Variants in UGT2A2 observed in about 807,000 individuals in gnomAD.
The protein encoded by UGT2A2 is UDP glucuronosyltransferase family 2 member A2, also known as UDP-glucuronosyltransferase 2A2.
In UGT2A2, 60 loss-of-function variants were observed where a neutral mutation model predicts 50.7. The ratio of observed to expected loss-of-function variants is 1.18; its 90% CI spans 0.96 to 1.47. The LOEUF (loss-of-function observed/expected upper bound fraction) is 1.47. Among genes scored for constraint, UGT2A2 ranks in the 40% most tolerant of loss-of-function variants. The pLI, the probability that UGT2A2 is intolerant of heterozygous loss-of-function variation, is 0.00. For missense variants in UGT2A2, 762 were observed against 634.0 expected, an observed-to-expected ratio of 1.20 and a Z score of -2.17; for synonymous variants, 242 against 214.6, an observed-to-expected ratio of 1.13 and a Z score of -1.11.
chr4:69,593,704 C>T (rs185626954), intron 5 of UGT2A2, among the ~76,000 whole-genome samples: 51 of 151,520 alleles, frequency 3.4e-4, no homozygotes, highest in African/African-American at 1.2e-3. Context: ...AAAAAATTAT[C>T]CACTACCCTA....
chr4:69,598,064 G>A (rs1300616672), intron 2 of UGT2A2, among the ~76,000 whole-genome samples: 2 of 152,116 alleles, frequency 1.3e-5, no homozygotes, highest in Non-Finnish European at 2.9e-5. Flanking sequence ...ATTATCCAGT[G>A]ACCTATGGAT....
intron 1 of UGT2A2, among the ~76,000 whole-genome samples, chr4:69,622,225 A>G (rs1444981263): frequency 6.6e-6 from 1 of 151,808 alleles, no homozygotes; most frequent in Non-Finnish European, 1.5e-5. Flanking sequence ...TTGAAAGAAA[A>G]AAGTTATGAA....
intron 1 of UGT2A2, among the ~76,000 whole-genome samples, chr4:69,613,650 T>C (rs983773071): frequency 6.6e-6 from 1 of 152,016 alleles, no homozygotes; most frequent in African/African-American, 2.4e-5. Context: ...ATTTATCTCA[T>C]GGATGCAAAA....
chr4:69,625,163 T>A (rs919880062), intron 1 of UGT2A2, among the ~76,000 whole-genome samples: 2 of 128,740 alleles, frequency 1.6e-5, no homozygotes, highest in Non-Finnish European at 3.4e-5. Flanking sequence ...TCTGTTTTCA[T>A]TCTTTTTTTT....
intron 5 of UGT2A2, among the ~76,000 whole-genome samples, chr4:69,593,917 A>G (rs1560466018): frequency 6.6e-6 from 1 of 151,442 alleles, no homozygotes; most frequent in Non-Finnish European, 1.5e-5. Flanking sequence ...GAGAATTTAT[A>G]TAATCATAGC....
At chr4:69,592,395 G>C (rs1044071866) in intron 5 of UGT2A2, among the ~76,000 whole-genome samples, 2 of 151,916 alleles carry the variant, frequency 1.3e-5, no homozygotes, top group African/African-American at 4.8e-5. Flanking sequence ...AAAAATAAAT[G>C]AGAAACTAAA....
intron 1 of UGT2A2, among the ~76,000 whole-genome samples, chr4:69,627,598 A>AAAAG (rs143064060): frequency 0.27 from 40,798 of 148,958 alleles, 5,815 homozygotes; most frequent in South Asian, 0.32. Flanking sequence ...AAGAAGAAAG[A>AAAAG]AAAGAAAGAA....
intron 5 of UGT2A2, among the ~76,000 whole-genome samples, chr4:69,593,313 GA>G (rs4148320): frequency 0.22 from 32,852 of 151,516 alleles, 3,677 homozygotes; most frequent in Middle Eastern, 0.31. Flanking sequence ...GTAAATGTGA[GA>G]AAAAAATGAC....
At chr4:69,635,008 A>T (rs1560491193) in intron 1 of UGT2A2, among the ~76,000 whole-genome samples, 1 of 152,132 alleles carries the variant, frequency 6.6e-6, no homozygotes, top group Non-Finnish European at 1.5e-5. Context: ...GCTTGAGGGG[A>T]TGGATACCCC....
chr4:69,627,478 A>G (rs1455637064), intron 1 of UGT2A2, among the ~76,000 whole-genome samples: 1 of 149,990 alleles, frequency 6.7e-6, no homozygotes, highest in East Asian at 2.0e-4. Flanking sequence ...GCAGGCAGGC[A>G]GGCAGGCAGG....
rs375236389 is a variant in UGT2A2 at position 69,590,777 on chromosome 4, G to T, written c.1332-1126C>A. On this transcript the variant is annotated intron_variant, in intron 5 of 5. Coordinates refer to ENST00000604629, the MANE Select transcript of UGT2A2 (RefSeq NM_001105677.2). Reference sequence around the variant, plus strand: ...CATGTGAATCAAAAAATAAGAAGAAGAAAGCATGTTTTCCTATAAATGATG... The same window carrying T: ...CATGTGAATCAAAAAATAAGAAGAATAAAGCATGTTTTCCTATAAATGATG... Among the ~76,000 whole-genome samples, 9 of 152,166 alleles carry T rather than the reference G, an allele frequency of 5.9e-5. No homozygotes were observed. In the East Asian group the frequency reaches 1.2e-3, roughly 20 times the overall value.
intron 3 of UGT2A2, 78 bp downstream of exon 3, chr4:69,596,172 T>C (rs568182059): frequency 2.9e-6 from 4 of 1,373,986 alleles, no homozygotes; most frequent in Non-Finnish European, 3.8e-6. Flanking sequence ...TTGATTTTCA[T>C]ATGGAAAGAA....
At chr4:69,597,437 A>G (rs745360550) in intron 2 of UGT2A2, among the ~76,000 whole-genome samples, 5 of 152,190 alleles carry the variant, frequency 3.3e-5, no homozygotes, top group Non-Finnish European at 7.4e-5. Flanking sequence ...TTGACACTGC[A>G]AAATCTGAGA....
rs1001923411 is a variant in UGT2A2 at position 69,588,800 on chromosome 4, T to A, written c.*572A>T. The A allele has an allele frequency of 6.6e-6, 1 of 152,088 alleles. No individual in the cohort carries two copies. Among genetic ancestry groups the A allele is most frequent in the African/African-American group, 2.4e-5 (1 of 41,418 alleles). 9.4% of individuals were successfully genotyped at this position (152,088 alleles called of 1,614,324 possible). On this transcript the variant is annotated 3_prime_UTR_variant, in exon 6 of 6. Coordinates refer to ENST00000604629, the MANE Select transcript of UGT2A2 (RefSeq NM_001105677.2). ...ATGCTTAATGAAAATTTTGTAGACA[T>A]TTAATAGGGACGCACGTCACACTTA...
intron 5 of UGT2A2, among the ~76,000 whole-genome samples, chr4:69,591,433 A>G (rs1718593076): frequency 6.6e-6 from 1 of 152,192 alleles, no homozygotes; most frequent in Non-Finnish European, 1.5e-5. Flanking sequence ...CCTGGGATCA[A>G]AGGGAAGGAA....
chr4:69,619,981 A>G (rs1720648260), intron 1 of UGT2A2, among the ~76,000 whole-genome samples: 1 of 152,046 alleles, frequency 6.6e-6, no homozygotes, highest in African/African-American at 2.4e-5. Context: ...GAAGAAACAT[A>G]CCTCAAAATA....
At chr4:69,590,794 T>A (rs1422936240) in intron 5 of UGT2A2, among the ~76,000 whole-genome samples, 1 of 152,198 alleles carries the variant, frequency 6.6e-6, no homozygotes, top group Non-Finnish European at 1.5e-5. Context: ...TGTTTTCCTA[T>A]AAATGATGTG....
At chr4:69,616,800 G>A (rs1323454996) in intron 1 of UGT2A2, among the ~76,000 whole-genome samples, 3 of 148,874 alleles carry the variant, frequency 2.0e-5, no homozygotes, top group African/African-American at 7.4e-5. Context: ...AAAAGCTAAT[G>A]ACACTTTCTA....
chr4:69,632,612 A>G (rs1433594205), intron 1 of UGT2A2, among the ~76,000 whole-genome samples: 6 of 152,284 alleles, frequency 3.9e-5, no homozygotes, highest in African/African-American at 1.2e-4. Context: ...GTAACTGGCC[A>G]GGCACAATGA....
Sources: gnomAD v4.1 joint callset for allele counts (sites outside exome capture counted in the v4.1 genomes callset) on GRCh38, gnomAD v4.1.1 for gene constraint, MANE v1.5 for transcripts, NCBI Gene and HGNC (gene_info 2026-07-23, HGNC 2026-07-21) for gene names.